Variants in NXPE2 observed in about 807,000 individuals in gnomAD.
NXPE2 encodes NXPE family member 2.
Under a neutral mutation model 34.4 loss-of-function variants are expected in NXPE2, and 34 were observed. The ratio of observed to expected loss-of-function variants is 0.99; its 90% CI spans 0.75 to 1.31. The LOEUF (loss-of-function observed/expected upper bound fraction) is 1.31. Ranked by LOEUF, NXPE2 falls within the 40% of genes most tolerant of loss-of-function variation. NXPE2 has a pLI of 0.00. For missense variants in NXPE2, 649 were observed against 672.5 expected (o/e 0.97, Z 0.39); for synonymous variants, 235 against 231.3 (o/e 1.02, Z -0.15).
chr11:114,696,361 A>T (rs1369556498), intron 2 of NXPE2, among the ~76,000 whole-genome samples: 2 of 120,740 alleles, frequency 1.7e-5, no homozygotes, highest in Non-Finnish European at 4.0e-5. Context: ...AAAAAAAAAG[A>T]AAGAAAAGAA....
the NXPE2 span, among the ~76,000 whole-genome samples, chr11:114,618,667 C>T: frequency 2.1e-4 from 32 of 151,548 alleles, 1 homozygote; most frequent in African/African-American, 6.0e-4. Context: ...TTGCCTCTTG[C>T]GTAACCAGTA....
chr11:114,635,636 C>T, the NXPE2 span, among the ~76,000 whole-genome samples: 1 of 151,732 alleles, frequency 6.6e-6, no homozygotes, highest in African/African-American at 2.4e-5. Flanking sequence ...TGAGATATGT[C>T]CCATCAATAC....
chr11:114,497,471 A>T, the NXPE2 span, among the ~76,000 whole-genome samples: 1 of 152,060 alleles, frequency 6.6e-6, no homozygotes, highest in Non-Finnish European at 1.5e-5. Flanking sequence ...TTTATCTTTT[A>T]TACTATATTT....
the NXPE2 span, chr11:114,570,457 A>G: frequency 6.5e-6 from 1 of 153,264 alleles, no homozygotes; most frequent in Non-Finnish European, 1.5e-5. Context: ...GAAAATTTAG[A>G]GGTTTTCAGG....
chr11:114,630,325 A>G, the NXPE2 span, among the ~76,000 whole-genome samples: 9 of 151,952 alleles, frequency 5.9e-5, no homozygotes, highest in South Asian at 1.5e-3. Context: ...CAAAATAGAG[A>G]TATAGATCAA....
the NXPE2 span, among the ~76,000 whole-genome samples, chr11:114,659,018 T>C: frequency 1.3e-5 from 2 of 152,068 alleles, no homozygotes; most frequent in African/African-American, 4.8e-5. Flanking sequence ...AGAAAAACCC[T>C]TTGTCAAAAC....
chr11:114,783,891 G>T, the NXPE2 span, among the ~76,000 whole-genome samples: 5 of 152,224 alleles, frequency 3.3e-5, no homozygotes, highest in Non-Finnish European at 7.3e-5. Flanking sequence ...AGAATGCTCT[G>T]CTGGGAGGTG....
At chr11:114,763,018 A>G in the NXPE2 span, among the ~76,000 whole-genome samples, 3 of 152,092 alleles carry the variant, frequency 2.0e-5, no homozygotes. Flanking sequence ...ATTTGTTGTC[A>G]CTGGGGACAT....
chr11:114,512,322 C>A, the NXPE2 span, among the ~76,000 whole-genome samples: 1 of 152,138 alleles, frequency 6.6e-6, no homozygotes, highest in Non-Finnish European at 1.5e-5. Flanking sequence ...TTGTCACTTT[C>A]CCCCTGTCTA....
chr11:114,561,653 A>G, the NXPE2 span, among the ~76,000 whole-genome samples: 1 of 152,172 alleles, frequency 6.6e-6, no homozygotes, highest in Admixed American at 6.5e-5. Context: ...CATTCTCTTC[A>G]TGCATCCAAT....
the NXPE2 span, among the ~76,000 whole-genome samples, chr11:114,738,469 T>C: frequency 6.6e-6 from 1 of 152,172 alleles, no homozygotes; most frequent in Non-Finnish European, 1.5e-5. Context: ...CATTCTTTCC[T>C]TGGGACCTAA....
chr11:114,684,668 T>G (rs1441861575), intron 2 of NXPE2, among the ~76,000 whole-genome samples: 2 of 151,916 alleles, frequency 1.3e-5, no homozygotes, highest in Non-Finnish European at 2.9e-5. Flanking sequence ...GGGGAATAGG[T>G]GAAGGTTAGA....
At chr11:114,652,294 G>A in the NXPE2 span, among the ~76,000 whole-genome samples, 1 of 152,190 alleles carries the variant, frequency 6.6e-6, no homozygotes, top group Non-Finnish European at 1.5e-5. Context: ...ATGCCCTTAA[G>A]GCATCCTGTT....
At chr11:114,723,078 T>G in the NXPE2 span, among the ~76,000 whole-genome samples, 1 of 152,324 alleles carries the variant, frequency 6.6e-6, no homozygotes, top group Non-Finnish European at 1.5e-5. Context: ...GTGGTAAAAT[T>G]TTAATTTCAC....
the NXPE2 span, chr11:114,582,599 G>A: frequency 5.0e-6 from 8 of 1,614,106 alleles, no homozygotes; most frequent in Non-Finnish European, 6.8e-6. Flanking sequence ...GAGAGACCTG[G>A]CCCTCCCAGA....
At chr11:114,640,120 T>C in the NXPE2 span, among the ~76,000 whole-genome samples, 1 of 124,808 alleles carries the variant, frequency 8.0e-6, no homozygotes, top group Admixed American at 9.2e-5. Flanking sequence ...TGTATTATGT[T>C]ATATGTAATA....
the NXPE2 span, chr11:114,581,749 T>C: frequency 6.2e-7 from 1 of 1,611,922 alleles, no homozygotes; most frequent in Non-Finnish European, 8.5e-7. Flanking sequence ...ACACTAATTG[T>C]ATTGAATTTT....
At chr11:114,481,938 A>G in the NXPE2 span, among the ~76,000 whole-genome samples, 1 of 152,122 alleles carries the variant, frequency 6.6e-6, no homozygotes, top group African/African-American at 2.4e-5. Context: ...GAAAGATTCA[A>G]CCATCTTTTC....
At chr11:114,708,905 T>C (rs1487846633), downstream of NXPE2, among the ~76,000 whole-genome samples, 1 of 152,208 alleles carries the variant, frequency 6.6e-6, no homozygotes, top group Non-Finnish European at 1.5e-5. Flanking sequence ...CATGATAGTT[T>C]CTAGTTTTCT....
Sources: allele counts gnomAD v4.1 joint callset (sites outside exome capture counted in the v4.1 genomes callset), GRCh38; gene constraint gnomAD v4.1.1; transcripts MANE v1.5; gene names NCBI Gene and HGNC (gene_info 2026-07-23, HGNC 2026-07-21).